CYP27C1: variants seen among roughly 807,000 people sequenced by gnomAD.
The protein encoded by CYP27C1 is cytochrome P450 27C1.
A neutral mutation model predicts 40.6 loss-of-function variants in CYP27C1; 29 were observed. The ratio of observed to expected loss-of-function variants is 0.71; its 90% CI spans 0.53 to 0.97. The LOEUF (loss-of-function observed/expected upper bound fraction) is 0.97, where lower values mean the gene tolerates loss of function less well. Among genes scored for constraint, CYP27C1 ranks in the 50% least tolerant of loss-of-function variants. The pLI, the probability that CYP27C1 is intolerant of heterozygous loss-of-function variation, is 0.00. For synonymous variants in CYP27C1, 198 were observed against 186.8 expected, an observed-to-expected ratio of 1.06 and a Z score of -0.49; for missense variants, 390 against 485.8, an observed-to-expected ratio of 0.80 and a Z score of 1.85.
At chr2:127,193,973 A>G (rs1682845872) in intron 6 of CYP27C1, 106 bp from the exon 7 acceptor site, 6 of 1,243,238 alleles carry the variant, frequency 4.8e-6, no homozygotes, top group Non-Finnish European at 5.7e-6. Flanking sequence ...AAATTCTTAA[A>G]AAGTAACACA....
At chr2:127,214,685 G>A (rs1197917464) in intron 1 of CYP27C1, among the ~76,000 whole-genome samples, 1 of 151,830 alleles carries the variant, frequency 6.6e-6, no homozygotes, top group African/African-American at 2.4e-5. Context: ...GGGTTGAGGG[G>A]AGGAAACTTA....
chr2:127,204,728 AGGT>A (rs1683187302), intron 2 of CYP27C1, among the ~76,000 whole-genome samples: 1 of 152,160 alleles, frequency 6.6e-6, no homozygotes, highest in Admixed American at 6.5e-5. Flanking sequence ...GAGAGCACCC[AGGT>A]AGCAGGCCCA....
chr2:127,208,981 C>T lies in CYP27C1; in HGVS notation c.283-2891G>A, dbSNP rs1573905146. On this transcript the variant is annotated intron_variant, in intron 1 of 8. Transcript: ENST00000664447. This position sits in a 1 kb window ranked among gnomAD's most constrained non-coding sequence, Gnocchi z 5.2. ...TAGTGGGTTTCCCCCAAGCAAAACA[C>T]ACCCTCCCCACCAAGGGACAAAGTG... 6.6e-6 allele frequency among the ~76,000 whole-genome samples: 1 copy of T among 152,194 alleles called. No homozygotes were observed. Among genetic ancestry groups the T allele is most frequent in the African/African-American group, 2.4e-5 (1 of 41,458 alleles).
At chr2:127,207,452 C>T (rs970445063) in intron 1 of CYP27C1, among the ~76,000 whole-genome samples, 9 of 152,092 alleles carry the variant, frequency 5.9e-5, no homozygotes, top group East Asian at 1.9e-4. Flanking sequence ...CGCAAGACTG[C>T]GCCATTGCAC....
intron 2 of CYP27C1, among the ~76,000 whole-genome samples, chr2:127,204,471 A>G (rs373380422): frequency 0.23 from 18,885 of 81,436 alleles, 4,548 homozygotes; most frequent in East Asian, 0.51. Context: ...AAAGAAAGAA[A>G]GAAAGAAAGA....
At chr2:127,187,582 G>A (rs1217487464) in intron 8 of CYP27C1, among the ~76,000 whole-genome samples, 195 bp from the exon 9 acceptor site, 1 of 152,188 alleles carries the variant, frequency 6.6e-6, no homozygotes, top group African/African-American at 2.4e-5. Context: ...CAGAACTTTA[G>A]ATCCCGTACC....
chr2:127,189,636 A>G (rs1682719326), intron 8 of CYP27C1, among the ~76,000 whole-genome samples: 1 of 151,508 alleles, frequency 6.6e-6, no homozygotes, highest in Admixed American at 6.6e-5. Flanking sequence ...AAAAAAAAAA[A>G]AAGAAAGGCT....
Position 127,187,227 on chromosome 2 carries a change from C to T in CYP27C1, c.*44G>A, listed in dbSNP as rs1486759988. ...GCGAACACAAATACCCACTGTGTGT[C>T]GGCGAGCTGGTCTGCTACATCAGCC... On this transcript the variant is annotated 3_prime_UTR_variant, in exon 9 of 9. Coordinates refer to ENST00000664447, the MANE Select transcript of CYP27C1 (RefSeq NM_001367502.1). 2.7e-6 allele frequency: 4 copies of T among 1,497,720 alleles called. No homozygotes were observed. The highest frequency in any genetic ancestry group is 1.7e-5 in the Admixed American group (1 of 59,650). 92.8% of individuals were successfully genotyped at this position (1,497,720 alleles called of 1,614,324 possible). A position where few individuals can be genotyped will look rare whatever the true frequency, so the allele number is the denominator to read the frequency against.
Position 127,217,982 on chromosome 2 carries a change from A to C in CYP27C1, c.282+2007T>G, listed in dbSNP as rs146940365. On this transcript the variant is annotated intron_variant, in intron 1 of 8. Transcript: ENST00000664447. The stretch of plus-strand genomic sequence containing the variant: ...GTAGTGCCACCTGGAGAGTAAAGGG[A>C]AAGAACTTTTTCCTTTATTTCTTTT... Among the ~76,000 whole-genome samples, 678 of 152,188 alleles carry C rather than the reference A, an allele frequency of 4.5e-3. 5 individuals carry two copies. Among genetic ancestry groups the C allele is most frequent in the South Asian group, 0.01 (50 of 4,814 alleles).
chr2:127,204,739 C>T (rs1340328331), intron 2 of CYP27C1, among the ~76,000 whole-genome samples: 2 of 152,074 alleles, frequency 1.3e-5, no homozygotes, highest in African/African-American at 4.8e-5. Flanking sequence ...GGTAGCAGGC[C>T]CAGCACACCG....
At position 127,185,644 on chromosome 2, in the gene CYP27C1, TTTA is replaced by T. The variant is rs1682608100; in HGVS notation, c.*1624_*1626del. 6.6e-6 allele frequency: 1 copy of T among 152,222 alleles called. No homozygotes were observed. Among genetic ancestry groups the T allele is most frequent in the Non-Finnish European group, 1.5e-5 (1 of 68,042 alleles). The allele number at this position is 152,222 out of a possible 1,614,324, so 9.4% of individuals were successfully genotyped here. A position where few individuals can be genotyped will look rare whatever the true frequency, so the allele number is the denominator to read the frequency against. On this transcript the variant is annotated 3_prime_UTR_variant, in exon 9 of 9. Transcript: ENST00000664447. This position sits in a 1 kb window ranked among gnomAD's most constrained non-coding sequence, Gnocchi z 4.9. ...TCTGCTACCACACAGAGATTTCAAC[TTTA>T]TTATATACTTTAACAAAAATGGTAT...
At chr2:127,192,952 A>T in intron 8 of CYP27C1, 142 bp downstream of exon 8, 1 of 1,063,130 alleles carries the variant, frequency 9.4e-7, no homozygotes, top group Non-Finnish European at 1.3e-6. Flanking sequence ...CTGGGACCAC[A>T]GGTGTGAGCC....
chr2:127,197,423 G>T (rs778111039), intron 5 of CYP27C1, among the ~76,000 whole-genome samples: 5 of 152,134 alleles, frequency 3.3e-5, no homozygotes, highest in Non-Finnish European at 5.9e-5. Context: ...GCCCCTTTAA[G>T]ATGTAGGTCT....
rs912115644 is a variant in CYP27C1, at chr2:127,186,525, C to A, written c.*746G>T. 1 of 152,092 alleles carries A rather than the reference C, an allele frequency of 6.6e-6. No individual in the cohort carries two copies. The highest frequency in any genetic ancestry group is 2.4e-5 in the African/African-American group (1 of 41,396). The allele number at this position is 152,092 out of a possible 1,614,324, so 9.4% of individuals were successfully genotyped here. The stretch of plus-strand genomic sequence containing the variant: ...CAAACGATCCTCCTGCCTCAGTCTT[C>A]CGAGTAACTAGGACCATAGGTGTGC... On this transcript the variant is annotated 3_prime_UTR_variant, in exon 9 of 9. Coordinates refer to ENST00000664447, the MANE Select transcript of CYP27C1 (RefSeq NM_001367502.1). The surrounding 1 kb of genome is among the most constrained non-coding windows in gnomAD (Gnocchi z 4.5).
chr2:127,216,112 A>G lies in CYP27C1; in HGVS notation c.282+3877T>C, dbSNP rs143637770. 1.4e-4 allele frequency among the ~76,000 whole-genome samples: 21 copies of G among 152,310 alleles called. No individual in the cohort carries two copies. In the East Asian group the frequency reaches 3.5e-3, roughly 25 times the overall value. On this transcript the variant is annotated intron_variant, in intron 1 of 8. Coordinates refer to ENST00000664447, the MANE Select transcript of CYP27C1 (RefSeq NM_001367502.1). ...GGTGGGGATGTAAAATGGTGCAGAT[A>G]CTCTGGAAAACAGTCTGGCAGTTCT...
chr2:127,198,689 C>A (rs1487357594), intron 5 of CYP27C1, among the ~76,000 whole-genome samples: 1 of 152,196 alleles, frequency 6.6e-6, no homozygotes, highest in Non-Finnish European at 1.5e-5. Flanking sequence ...CACATACTTA[C>A]CACTGTGTTC....
intron 5 of CYP27C1, among the ~76,000 whole-genome samples, chr2:127,197,123 G>C (rs1267085543): frequency 6.6e-6 from 1 of 152,198 alleles, no homozygotes; most frequent in Admixed American, 6.5e-5. Context: ...CCAGGGGACA[G>C]GAGGCACAAG....
chr2:127,189,722 C>T (rs1006664488), intron 8 of CYP27C1, among the ~76,000 whole-genome samples: 2 of 151,356 alleles, frequency 1.3e-5, no homozygotes, highest in African/African-American at 2.4e-5. Context: ...TTGGGATGCT[C>T]ATGTAATTTT....
rs1044165734 is a variant in CYP27C1 at position 127,209,952 on chromosome 2, A to T, written c.283-3862T>A. On this transcript the variant is annotated intron_variant, in intron 1 of 8. Transcript: ENST00000664447. The surrounding 1 kb of genome is among the most constrained non-coding windows in gnomAD (Gnocchi z 4.1). The stretch of plus-strand genomic sequence containing the variant: ...GCTGGAAAACACACTTCATGATATT[A>T]TCAAGGAGAACTTCCTCAACCTAGC... Among the ~76,000 whole-genome samples, 1 of 152,252 alleles carries T rather than the reference A, an allele frequency of 6.6e-6. No homozygotes were observed. The highest frequency in any genetic ancestry group is 2.4e-5 in the African/African-American group (1 of 41,462).
Sources: gnomAD v4.1 joint callset for allele counts (sites outside exome capture counted in the v4.1 genomes callset) on GRCh38, gnomAD v4.1.1 for gene constraint, Gnocchi (gnomAD v3.1) non-coding constraint, MANE v1.5 for transcripts, NCBI Gene and HGNC (gene_info 2026-07-23, HGNC 2026-07-21) for gene names.